CSMD1: variants seen among roughly 807,000 people sequenced by gnomAD.
CSMD1 encodes CUB and Sushi multiple domains 1, also known as CUB and sushi domain-containing protein 1.
CSMD1 carries 213 observed loss-of-function variants against 417.5 expected under a neutral mutation model. That is an observed-to-expected ratio of 0.51 (90% CI 0.46 to 0.57). CSMD1 has a LOEUF of 0.57. Ranked by LOEUF, CSMD1 falls within the 20% of genes least tolerant of loss-of-function variation. The pLI is 0.00. For synonymous variants in CSMD1, 2,862 were observed against 1,736.8 expected (o/e 1.65, Z -16.11); for missense variants, 6,923 against 4,529.7 (o/e 1.53, Z -15.17).
chr8:4,906,199 T>C (rs1195457355), intron 1 of CSMD1, among the ~76,000 whole-genome samples: 1 of 152,204 alleles, frequency 6.6e-6, no homozygotes, highest in Non-Finnish European at 1.5e-5. Context: ...AAATCACCCT[T>C]TCACTAGCAG....
rs78020510 is a variant in CSMD1, at chr8:3,718,981, G to T, written c.932-10490C>A. On this transcript the variant is annotated intron_variant, in intron 6 of 69. Coordinates refer to ENST00000635120, the MANE Select transcript of CSMD1 (RefSeq NM_033225.6). ...AGCGAGAAGATAAGAAAGCGCAAAG[G>T]GGGAGGCAGAACAAGGGGTGAGACA... 8.6e-3 allele frequency among the ~76,000 whole-genome samples: 1,310 copies of T among 152,172 alleles called. 19 individuals carry two copies. The highest frequency in any genetic ancestry group is 0.03 in the African/African-American group (1,242 of 41,512).
At chr8:4,160,182 G>T (rs1025200079) in intron 3 of CSMD1, among the ~76,000 whole-genome samples, 1 of 152,016 alleles carries the variant, frequency 6.6e-6, no homozygotes, top group Non-Finnish European at 1.5e-5. Flanking sequence ...AAGACTTAAG[G>T]GGAAGTATTT....
At chr8:4,319,833 G>C (rs184332763) in intron 3 of CSMD1, among the ~76,000 whole-genome samples, 2 of 152,094 alleles carry the variant, frequency 1.3e-5, no homozygotes, top group African/African-American at 4.8e-5. Context: ...GGGGTCTTCA[G>C]CTGAGAGCTC....
At chr8:3,705,617 T>A (rs548439235) in intron 7 of CSMD1, among the ~76,000 whole-genome samples, 1 of 152,338 alleles carries the variant, frequency 6.6e-6, no homozygotes, top group South Asian at 2.1e-4. Flanking sequence ...CAGAGGGGGC[T>A]GTGGAACAAG....
intron 7 of CSMD1, among the ~76,000 whole-genome samples, chr8:3,663,312 T>A (rs1798513517): frequency 6.6e-6 from 1 of 152,182 alleles, no homozygotes; most frequent in South Asian, 2.1e-4. Context: ...TAGAATATAT[T>A]TTTCAGAGGT....
At chr8:4,377,014 G>C (rs1448973364) in intron 3 of CSMD1, among the ~76,000 whole-genome samples, 2 of 152,230 alleles carry the variant, frequency 1.3e-5, no homozygotes, top group Non-Finnish European at 2.9e-5. Flanking sequence ...CACAGGTACA[G>C]TGGCAAGTGG....
At chr8:4,689,299 G>T (rs912772746) in intron 1 of CSMD1, among the ~76,000 whole-genome samples, 1 of 152,134 alleles carries the variant, frequency 6.6e-6, no homozygotes, top group Non-Finnish European at 1.5e-5. Context: ...ATGTAGGAAG[G>T]TATATTTGGG....
intron 6 of CSMD1, among the ~76,000 whole-genome samples, chr8:3,744,891 T>C (rs577528714): frequency 6.6e-6 from 1 of 152,190 alleles, no homozygotes; most frequent in Non-Finnish European, 1.5e-5. Flanking sequence ...TGTTCAAACA[T>C]GCTGAGCGCT....
At chr8:3,928,895 G>T (rs1809940529) in intron 5 of CSMD1, among the ~76,000 whole-genome samples, 1 of 148,146 alleles carries the variant, frequency 6.8e-6, no homozygotes, top group Admixed American at 6.8e-5. Context: ...TTGCTTATCA[G>T]TGATCTTTCT....
chr8:3,663,121 G>A (rs1246833996), intron 7 of CSMD1, among the ~76,000 whole-genome samples: 12 of 152,260 alleles, frequency 7.9e-5, no homozygotes, highest in Non-Finnish European at 1.5e-5. Context: ...CTGAAGCAGT[G>A]GGGGCCTCAG....
chr8:4,409,730 G>T (rs1796543159), intron 3 of CSMD1, among the ~76,000 whole-genome samples: 1 of 150,834 alleles, frequency 6.6e-6, no homozygotes, highest in East Asian at 1.9e-4. Context: ...TCCCAAGATG[G>T]CAAAGGAACA....
intron 33 of CSMD1, among the ~76,000 whole-genome samples, chr8:3,197,492 G>C (rs1174669627): frequency 7.2e-6 from 1 of 139,192 alleles, no homozygotes; most frequent in Non-Finnish European, 1.5e-5. Flanking sequence ...TTGAGACGGA[G>C]TCTCGCTCTG....
chr8:4,458,022 T>C (rs1008234279), intron 2 of CSMD1, among the ~76,000 whole-genome samples: 1 of 152,160 alleles, frequency 6.6e-6, no homozygotes, highest in African/African-American at 2.4e-5. Context: ...CTATATCCGG[T>C]ATTCCTCTAT....
chr8:3,111,487 A>C (rs546721093), intron 42 of CSMD1, among the ~76,000 whole-genome samples: 1 of 152,114 alleles, frequency 6.6e-6, no homozygotes. Context: ...CCACTTCTAT[A>C]AATTCTATGA....
intron 12 of CSMD1, among the ~76,000 whole-genome samples, chr8:3,417,499 T>A (rs1490115376): frequency 6.6e-6 from 1 of 152,228 alleles, no homozygotes; most frequent in African/African-American, 2.4e-5. Context: ...GCTATTTGAC[T>A]ACCATCTGTA....
At chr8:3,761,410 A>G (rs779777699) in intron 5 of CSMD1, among the ~76,000 whole-genome samples, 1 of 152,152 alleles carries the variant, frequency 6.6e-6, no homozygotes, top group South Asian at 2.1e-4. Context: ...ACCAACTATG[A>G]AACAAAATAA....
intron 5 of CSMD1, among the ~76,000 whole-genome samples, chr8:3,897,936 TTA>T (rs1347907597): frequency 6.6e-6 from 1 of 152,166 alleles, no homozygotes; most frequent in Non-Finnish European, 1.5e-5. Flanking sequence ...TTAGATATAG[TTA>T]TATAATCACC....
At chr8:3,319,270 C>T (rs978630986) in intron 23 of CSMD1, among the ~76,000 whole-genome samples, 1 of 152,302 alleles carries the variant, frequency 6.6e-6, no homozygotes, top group Non-Finnish European at 1.5e-5. Flanking sequence ...ATTTGATTAA[C>T]TAGTGTTGGT....
intron 1 of CSMD1, among the ~76,000 whole-genome samples, chr8:4,931,683 G>C (rs938813895): frequency 7.2e-5 from 11 of 152,178 alleles, no homozygotes; most frequent in Non-Finnish European, 1.0e-4. Flanking sequence ...TTAAGATTAT[G>C]TAAAGCAAAA....
Sources: gnomAD v4.1 joint callset for allele counts (sites outside exome capture counted in the v4.1 genomes callset) on GRCh38, gnomAD v4.1.1 for gene constraint, MANE v1.5 for transcripts, NCBI Gene and HGNC (gene_info 2026-07-23, HGNC 2026-07-21) for gene names.